Variants in ALPP observed in about 807,000 individuals in gnomAD.
ALPP encodes the protein alkaline phosphatase, placental type.
Under a neutral mutation model 50.7 loss-of-function variants are expected in ALPP, and 39 were observed. That is an observed-to-expected ratio of 0.77 (90% CI 0.60 to 1.00). The LOEUF (loss-of-function observed/expected upper bound fraction) is 1.00, where lower values mean the gene tolerates loss of function less well. Among genes scored for constraint, ALPP ranks in the 50% least tolerant of loss-of-function variants. ALPP has a pLI of 0.00. For synonymous variants in ALPP, 226 were observed against 320.3 expected (o/e 0.71, Z 3.14); for missense variants, 550 against 746.8 (o/e 0.74, Z 3.07).
chr2:232,381,937 C>G lies in ALPP; in HGVS notation c.*142C>G. The G allele has an allele frequency of 7.5e-7, 1 of 1,333,808 alleles. No homozygotes were observed. 82.6% of individuals were successfully genotyped at this position (1,333,808 alleles called of 1,614,324 possible). A position where few individuals can be genotyped will look rare whatever the true frequency, so the allele number is the denominator to read the frequency against. On this transcript the variant is annotated 3_prime_UTR_variant, in exon 11 of 11. Coordinates refer to ENST00000392027, the MANE Select transcript of ALPP (RefSeq NM_001632.5). ...TCCTGCCATGGAACCTTCCCCTCCC[C>G]GTGCGCTCTGGGGACTGAGCCCATG...
rs538712625 is a variant in ALPP at position 232,380,333 on chromosome 2, G to A, written c.792+13G>A. 6.2e-7 allele frequency: 1 copy of A among 1,613,572 alleles called. No homozygotes were observed. Among genetic ancestry groups the A allele is most frequent in the East Asian group, 2.2e-5 (1 of 44,462 alleles). On this transcript the variant is annotated intron_variant, in intron 6 of 10. Coordinates refer to ENST00000392027, the MANE Select transcript of ALPP (RefSeq NM_001632.5). ...GGCGAAGCGCCAGGTGATGGGGGCT[G>A]GCGGGTGCAGGGGGCACAGCAGGGG...
intron 3 of ALPP, 85 bp from the exon 4 acceptor site, chr2:232,379,428 G>T: frequency 6.3e-7 from 1 of 1,593,264 alleles, no homozygotes; most frequent in Non-Finnish European, 8.6e-7. Flanking sequence ...GGAGTTAGAG[G>T]CAGTTGGAAT....
At position 232,382,795 on chromosome 2, in the gene ALPP, T is replaced by G. The variant is rs1196689989; in HGVS notation, c.*1000T>G. ...GTGAGCCGAGGTCATGCCACTGCAC[T>G]GCAGCCTGGGCGACAGAGCGAGATT... is the stretch of plus-strand genomic sequence containing the variant. On this transcript the variant is annotated 3_prime_UTR_variant, in exon 11 of 11. Transcript: ENST00000392027. 6.6e-6 allele frequency: 1 copy of G among 152,154 alleles called. No homozygotes were observed. The highest frequency in any genetic ancestry group is 1.5e-5 in the Non-Finnish European group (1 of 68,040). 9.4% of individuals were successfully genotyped at this position (152,154 alleles called of 1,614,324 possible). A position where few individuals can be genotyped will look rare whatever the true frequency, so the allele number is the denominator to read the frequency against.
rs760062476 is a variant in ALPP at position 232,379,290 on chromosome 2, G to A, written c.284G>A (p.Arg95His). 1.2e-5 allele frequency: 19 copies of A among 1,614,044 alleles called. No homozygotes were observed. Among genetic ancestry groups the A allele is most frequent in the East Asian group, 4.5e-5 (2 of 44,868 alleles). The change falls in exon 3 of 11, where the codon CGC becomes CAC. Residue 95 changes from arginine to histidine, a missense_variant. This residue lies in a region of ALPP where 376 missense variants were observed against 388.5 expected (regional missense o/e 0.97). Transcript: ENST00000392027. ...LGPEIPLAMD[R>H]FPYVALSKTY... ...CCTGAGATACCCCTGGCCATGGACC[G>A]CTTCCCATATGTGGCTCTGTCCAAG...
At chr2:232,379,471 G>T in intron 3 of ALPP, 42 bp from the exon 4 acceptor site, 2 of 1,609,826 alleles carry the variant, frequency 1.2e-6, no homozygotes, top group Non-Finnish European at 1.7e-6. Context: ...CTGGGTCTCC[G>T]TGTCTGCCCC....
At chr2:232,379,367 C>T in intron 3 of ALPP, 52 bp downstream of exon 3, 1 of 1,604,820 alleles carries the variant, frequency 6.2e-7, no homozygotes, top group African/African-American at 1.3e-5. Flanking sequence ...GGAATCCTGG[C>T]TATGGAGTGT....
chr2:232,381,705 C>T lies in ALPP; in HGVS notation c.1518C>T (p.Asp506=). The stretch of plus-strand genomic sequence containing the variant: ...TGGCGCCCCCCGCCGGCACCACCGA[C>T]GCCGCGCACCCGGGGCGGTCCGTGG... ...CDLAPPAGTT[D]AAHPGRSVVP... Residue 506 remains aspartate (D), a synonymous_variant, in exon 11 of 11, where the codon GAC becomes GAT. Transcript: ENST00000392027. 6.2e-7 allele frequency: 1 copy of T among 1,606,756 alleles called. No individual in the cohort carries two copies. Among genetic ancestry groups the T allele is most frequent in the Non-Finnish European group, 8.5e-7 (1 of 1,177,692 alleles).
Position 232,381,639 on chromosome 2 carries a change from G to A in ALPP, c.1452G>A (p.Met484Ile). ...VQEQTFIAHV[M>I]AFAACLEPYT... ...AGCAGACCTTCATAGCGCACGTCAT[G>A]GCCTTCGCCGCCTGCCTGGAGCCCT... Residue 484 changes from methionine (M) to isoleucine (I), a missense_variant, in exon 11 of 11, where the codon ATG becomes ATA. Physicochemically the swap from Met to Ile is conservative, Grantham distance 10. Coordinates refer to ENST00000392027, the MANE Select transcript of ALPP (RefSeq NM_001632.5). 1 of 1,611,914 alleles carries A rather than the reference G, an allele frequency of 6.2e-7. No individual in the cohort carries two copies. The highest frequency in any genetic ancestry group is 8.5e-7 in the Non-Finnish European group (1 of 1,179,416).
chr2:232,381,830 C>G lies in ALPP; in HGVS notation c.*35C>G. On this transcript the variant is annotated 3_prime_UTR_variant, in exon 11 of 11. Transcript: ENST00000392027. ...CCCTGGGGCTCCTGCTTCCCCATCCCGGAGTTCTCCTGCTCCCCACCTCCT... is the reference window on the plus strand; with the variant it reads ...CCCTGGGGCTCCTGCTTCCCCATCCGGGAGTTCTCCTGCTCCCCACCTCCT... The G allele has an allele frequency of 1.4e-5, 21 of 1,532,366 alleles. No individual in the cohort carries two copies. The highest frequency in any genetic ancestry group is 1.8e-5 in the Non-Finnish European group (21 of 1,146,074). 94.9% of individuals were successfully genotyped at this position (1,532,366 alleles called of 1,614,324 possible).
rs1575044585 is a variant in ALPP, at chr2:232,379,261, G to A, written c.255G>A (p.Leu85=). The A allele has an allele frequency of 1.2e-6, 2 of 1,614,070 alleles. No individual in the cohort carries two copies. The highest frequency in any genetic ancestry group is 1.7e-6 in the Non-Finnish European group (2 of 1,180,022). The stretch of plus-strand genomic sequence containing the variant: ...TAAAAGGGCAGAAGAAGGACAAACT[G>A]GGGCCTGAGATACCCCTGGCCATGG... The part of the protein sequence containing the change: ...RILKGQKKDK[L]GPEIPLAMDR... Residue 85 remains leucine (L), a synonymous_variant, in exon 3 of 11, where the codon CTG becomes CTA. Coordinates refer to ENST00000392027, the MANE Select transcript of ALPP (RefSeq NM_001632.5).
chr2:232,380,453 A>G lies in ALPP; in HGVS notation c.826A>G (p.Met276Val), dbSNP rs71421642. ...GTATGTGTGGAACCGCACTGAGCTC[A>G]TGCAGGCTTCCCTGGACCCGTCTGT... ...ARYVWNRTEL[M>V]QASLDPSVTH... Residue 276 changes from methionine (M) to valine (V), a missense_variant, in exon 7 of 11, where the codon ATG becomes GTG. Coordinates refer to ENST00000392027, the MANE Select transcript of ALPP (RefSeq NM_001632.5). 32 of 1,613,314 alleles carry G rather than the reference A, an allele frequency of 2.0e-5. 1 individual carries two copies. In the South Asian group the frequency reaches 2.7e-4, roughly 14 times the overall value.
Position 232,379,809 on chromosome 2 carries a change from C to T in ALPP, c.530C>T (p.Ser177Leu), listed in dbSNP as rs371726976. ...VVTTTRVQHASPAGTYAHTVN... is the reference protein window; with the variant it reads ...VVTTTRVQHALPAGTYAHTVN... Reference sequence around the variant, plus strand: ...ACCACCACACGAGTGCAGCACGCCTCGCCAGCCGGCACCTACGCCCACACG... The same window carrying T: ...ACCACCACACGAGTGCAGCACGCCTTGCCAGCCGGCACCTACGCCCACACG... The change falls in exon 5 of 11, where the codon TCG (serine) becomes TTG (leucine). Residue 177 changes from serine (S) to leucine (L), a missense_variant. This residue lies in a region of ALPP where 376 missense variants were observed against 388.5 expected (regional missense o/e 0.97). Coordinates refer to ENST00000392027, the MANE Select transcript of ALPP (RefSeq NM_001632.5). 3.7e-6 allele frequency: 6 copies of T among 1,613,696 alleles called. No individual in the cohort carries two copies. The African/African-American group carries it at 4.0e-5, about 11-fold the overall frequency.
At chr2:232,379,391 G>A (rs1284120106) in intron 3 of ALPP, 76 bp downstream of exon 3, 11 of 1,592,052 alleles carry the variant, frequency 6.9e-6, no homozygotes, top group Non-Finnish European at 9.4e-6. Context: ...AGGAGGGAGG[G>A]ACCCTAAACA....
chr2:232,381,577 C>T lies in ALPP; in HGVS notation c.1390C>T (p.Arg464Cys), dbSNP rs1162315710. 11 of 1,612,754 alleles carry T rather than the reference C, an allele frequency of 6.8e-6. No homozygotes were observed. Among genetic ancestry groups the T allele is most frequent in the South Asian group, 3.3e-5 (3 of 90,882 alleles). The change falls in exon 11 of 11, where the codon CGC (arginine) becomes TGC (cysteine). Residue 464 changes from arginine to cysteine, a missense_variant. By Grantham distance (180) the Arg-to-Cys change is radical. Transcript: ENST00000392027. The part of the protein sequence containing the change: ...HAGEDVAVFA[R>C]GPQAHLVHGV... ...AGGCGAGGACGTGGCGGTGTTCGCG[C>T]GCGGCCCGCAGGCGCACCTGGTTCA... is the stretch of plus-strand genomic sequence containing the variant.
chr2:232,379,562 C>A lies in ALPP; in HGVS notation c.359C>A (p.Ala120Asp). The A allele has an allele frequency of 4.3e-6, 7 of 1,614,106 alleles. No individual in the cohort carries two copies. The highest frequency in any genetic ancestry group is 5.9e-6 in the Non-Finnish European group (7 of 1,180,036). The change falls in exon 4 of 11, where the codon GCC (alanine) becomes GAC (aspartate). Residue 120 changes from alanine (A) to aspartate (D), a missense_variant. Physicochemically the swap from Ala to Asp is moderately radical, Grantham distance 126. Transcript: ENST00000392027. ...CCAGACAGTGGAGCCACAGCCACGG[C>A]CTACCTGTGCGGGGTCAAGGGCAAC... Reference protein sequence around the residue: ...HVPDSGATATAYLCGVKGNFQ... With the variant: ...HVPDSGATATDYLCGVKGNFQ...
chr2:232,382,027 G>C lies in ALPP; in HGVS notation c.*232G>C. ...CCCAACCCCAGGGACTGCAGGTTGT[G>C]CCCTGTGGCTGCCTGCACCCCAGGA... On this transcript the variant is annotated 3_prime_UTR_variant, in exon 11 of 11. Transcript: ENST00000392027. The C allele has an allele frequency of 1.4e-6, 1 of 726,954 alleles. No homozygotes were observed. Among genetic ancestry groups the C allele is most frequent in the Non-Finnish European group, 2.2e-6 (1 of 457,014 alleles). 45.0% of individuals were successfully genotyped at this position (726,954 alleles called of 1,614,324 possible). A position where few individuals can be genotyped will look rare whatever the true frequency, so the allele number is the denominator to read the frequency against.
intron 10 of ALPP, 29 bp from the exon 11 acceptor site, chr2:232,381,468 C>T (rs1696710491): frequency 1.2e-6 from 2 of 1,612,642 alleles, no homozygotes; most frequent in South Asian, 1.1e-5. Context: ...TGAATGAACC[C>T]TCCTACCGGA....
intron 3 of ALPP, 90 bp from the exon 4 acceptor site, chr2:232,379,423 T>C (rs1485778363): frequency 1.9e-6 from 3 of 1,591,330 alleles, no homozygotes; most frequent in East Asian, 2.3e-5. Context: ...AGTAAGGAGT[T>C]AGAGGCAGTT....
At position 232,382,792 on chromosome 2, in the gene ALPP, C is replaced by A. The variant is rs1696743252; in HGVS notation, c.*997C>A. 6.6e-6 allele frequency: 1 copy of A among 152,194 alleles called. No homozygotes were observed. The highest frequency in any genetic ancestry group is 1.5e-5 in the Non-Finnish European group (1 of 68,058). The allele number at this position is 152,194 out of a possible 1,614,324, so 9.4% of individuals were successfully genotyped here. On this transcript the variant is annotated 3_prime_UTR_variant, in exon 11 of 11. Coordinates refer to ENST00000392027, the MANE Select transcript of ALPP (RefSeq NM_001632.5). ...GCAGTGAGCCGAGGTCATGCCACTG[C>A]ACTGCAGCCTGGGCGACAGAGCGAG... is the stretch of plus-strand genomic sequence containing the variant.
Sources: gnomAD v4.1 joint callset for allele counts on GRCh38, gnomAD v4.1.1 for gene constraint, gnomAD v4.1.1 regional missense constraint, MANE v1.5 for transcripts, NCBI Gene and HGNC (gene_info 2026-07-23, HGNC 2026-07-21) for gene names.